KSR2: variants seen among roughly 807,000 people sequenced by gnomAD.
KSR2 encodes the protein kinase suppressor of ras 2.
Under a neutral mutation model 107.8 loss-of-function variants are expected in KSR2, and 25 were observed. The ratio of observed to expected loss-of-function variants is 0.23; its 90% confidence interval spans 0.17 to 0.32. The LOEUF (loss-of-function observed/expected upper bound fraction) is 0.32. Among genes scored for constraint, KSR2 ranks in the 10% least tolerant of loss-of-function variants. KSR2 has a pLI of 1.00. For missense variants in KSR2, 887 were observed against 1,268.9 expected (o/e 0.70, Z 4.57); for synonymous variants, 480 against 507.0 (o/e 0.95, Z 0.71).
At chr12:117,497,563 G>T (rs1873108602) in intron 14 of KSR2, among the ~76,000 whole-genome samples, 2 of 152,152 alleles carry the variant, frequency 1.3e-5, no homozygotes, top group South Asian at 2.1e-4. Context: ...AGAGGCAAAA[G>T]GTTTCCGGGC....
chr12:117,757,021 C>T (rs1311648710), intron 4 of KSR2, among the ~76,000 whole-genome samples: 1 of 148,942 alleles, frequency 6.7e-6, no homozygotes, highest in Non-Finnish European at 1.5e-5. Flanking sequence ...CTCCATTGCA[C>T]TCTAGCCTGG....
rs1870425738 is a variant in KSR2, at chr12:117,453,276, T to C, written c.*13923A>G. ...ATCCATCTGGCCTTTCTTTCCTGGA[T>C]GGCATCTGAATAGAGTGTTCCTTCT... is the stretch of plus-strand genomic sequence containing the variant. On this transcript the variant is annotated 3_prime_UTR_variant, in exon 20 of 20. Coordinates refer to ENST00000339824, the MANE Select transcript of KSR2 (RefSeq NM_173598.6). The C allele has an allele frequency of 6.6e-6, 1 of 152,484 alleles. No individual in the cohort carries two copies. Among genetic ancestry groups the C allele is most frequent in the Non-Finnish European group, 1.5e-5 (1 of 68,050 alleles). The allele number at this position is 152,484 out of a possible 1,614,324, so 9.4% of individuals were successfully genotyped here. A position where few individuals can be genotyped will look rare whatever the true frequency, so the allele number is the denominator to read the frequency against.
At chr12:117,654,973 C>T (rs1565946051) in intron 5 of KSR2, among the ~76,000 whole-genome samples, 1 of 152,216 alleles carries the variant, frequency 6.6e-6, no homozygotes, top group Non-Finnish European at 1.5e-5. Flanking sequence ...CTCACCAAGG[C>T]TGACCTGGCT....
intron 1 of KSR2, among the ~76,000 whole-genome samples, chr12:117,890,063 G>A (rs1365491183): frequency 1.3e-5 from 2 of 152,210 alleles, no homozygotes; most frequent in Admixed American, 1.3e-4. Flanking sequence ...GACTCAGTAG[G>A]TCTGGGGAAC....
chr12:117,762,887 T>A (rs7952814), intron 3 of KSR2, among the ~76,000 whole-genome samples: 36,014 of 151,726 alleles, frequency 0.24, 4,494 homozygotes, highest in Admixed American at 0.33. Flanking sequence ...AAAAACCTTT[T>A]TTTTATTTTA....
At chr12:117,790,605 C>CA (rs1384432825) in intron 3 of KSR2, among the ~76,000 whole-genome samples, 1 of 152,194 alleles carries the variant, frequency 6.6e-6, no homozygotes, top group African/African-American at 2.4e-5. Flanking sequence ...TCTTGTGGGC[C>CA]ACAAGGAACA....
At chr12:117,915,553 G>C (rs1895147814) in intron 1 of KSR2, among the ~76,000 whole-genome samples, 1 of 152,174 alleles carries the variant, frequency 6.6e-6, no homozygotes, top group South Asian at 2.1e-4. Flanking sequence ...CAGGCCATGT[G>C]GTGGGGAAAT....
At chr12:117,621,127 T>G (rs1187081562) in intron 5 of KSR2, among the ~76,000 whole-genome samples, 3 of 152,272 alleles carry the variant, frequency 2.0e-5, no homozygotes, top group Non-Finnish European at 2.9e-5. Flanking sequence ...TCCTCCATAC[T>G]GTTCATGATA....
chr12:117,697,739 CAAAA>C (rs35764451), intron 4 of KSR2, among the ~76,000 whole-genome samples: 1 of 66,378 alleles, frequency 1.5e-5, no homozygotes, highest in African/African-American at 4.5e-5. Context: ...GACTCCATCT[CAAAA>C]AAAAAAAAAA....
chr12:117,605,673 T>C (rs1237469175), intron 5 of KSR2, among the ~76,000 whole-genome samples: 1 of 152,102 alleles, frequency 6.6e-6, no homozygotes. Flanking sequence ...TAAATGTACA[T>C]GTAAGTTCAT....
chr12:117,747,812 G>A (rs895415359), intron 4 of KSR2, among the ~76,000 whole-genome samples: 1 of 152,132 alleles, frequency 6.6e-6, no homozygotes, highest in Non-Finnish European at 1.5e-5. Flanking sequence ...CCAAGTCATA[G>A]AGAGGATGTG....
At chr12:117,729,342 G>T (rs1887569282) in intron 4 of KSR2, among the ~76,000 whole-genome samples, 1 of 151,988 alleles carries the variant, frequency 6.6e-6, no homozygotes, top group Non-Finnish European at 1.5e-5. Context: ...TTGCCATAGG[G>T]GTGACAAATA....
intron 5 of KSR2, among the ~76,000 whole-genome samples, chr12:117,591,655 A>G (rs1880326041): frequency 6.6e-6 from 1 of 151,936 alleles, no homozygotes; most frequent in African/African-American, 2.4e-5. Flanking sequence ...ACATCACAGG[A>G]AAGTTGTCAC....
At chr12:117,584,955 A>G (rs1826230380) in intron 5 of KSR2, among the ~76,000 whole-genome samples, 1 of 152,210 alleles carries the variant, frequency 6.6e-6, no homozygotes, top group Non-Finnish European at 1.5e-5. Flanking sequence ...AAAGTCTTCC[A>G]GGAGCCCCCG....
At chr12:117,594,414 CTGTAGCT>C (rs1880513928) in intron 5 of KSR2, among the ~76,000 whole-genome samples, 1 of 152,228 alleles carries the variant, frequency 6.6e-6, no homozygotes, top group Non-Finnish European at 1.5e-5. Flanking sequence ...GTCACACTGT[CTGTAGCT>C]TGCAGACATG....
chr12:117,488,875 C>T lies in KSR2; in HGVS notation c.2220-3184G>A, dbSNP rs77117510. ...TGTTGTTTCTAAGCCACTCAGTCTG[C>T]AGTACCGTGTCACGGTAGTCCAAAC... On this transcript the variant is annotated intron_variant, in intron 14 of 19. Coordinates refer to ENST00000339824, the MANE Select transcript of KSR2 (RefSeq NM_173598.6). Among the ~76,000 whole-genome samples the T allele has an allele frequency of 2.0e-3, 304 of 152,082 alleles. 7 individuals carry two copies. The East Asian group carries it at 0.051, about 26-fold the overall frequency.
At position 117,667,558 on chromosome 12, in the gene KSR2, G is replaced by T. The variant is rs375751976; in HGVS notation, c.1087C>A (p.Arg363Ser). 3.7e-6 allele frequency: 6 copies of T among 1,612,984 alleles called. No individual in the cohort carries two copies. The African/African-American group carries it at 8.0e-5, about 22-fold the overall frequency. ...SQQRSPLLSE[R>S]SLRSFFVGHA... ...CCCACAAAGAAGGAGCGGAGGGAGC[G>T]CTCGGACAGCAGCGGGGAGCGCTGC... Residue 363 changes from arginine to serine, a missense_variant, in exon 5 of 20, where the codon CGC becomes AGC. Coordinates refer to ENST00000339824, the MANE Select transcript of KSR2 (RefSeq NM_173598.6).
chr12:117,605,150 A>G (rs1881156223), intron 5 of KSR2, among the ~76,000 whole-genome samples: 1 of 152,092 alleles, frequency 6.6e-6, no homozygotes, highest in African/African-American at 2.4e-5. Context: ...TCTGTGAGGA[A>G]TGGGGTGTTC....
intron 8 of KSR2, among the ~76,000 whole-genome samples, chr12:117,557,264 A>G (rs1877766856): frequency 6.6e-6 from 1 of 152,218 alleles, no homozygotes; most frequent in East Asian, 1.9e-4. Flanking sequence ...GTAGGTCCAC[A>G]TAGCTGGAGT....
Sources: allele counts gnomAD v4.1 joint callset (sites outside exome capture counted in the v4.1 genomes callset), GRCh38; gene constraint gnomAD v4.1.1; transcripts MANE v1.5; gene names NCBI Gene and HGNC (gene_info 2026-07-23, HGNC 2026-07-21).